SETDB1: variants seen among roughly 807,000 people sequenced by gnomAD.
SETDB1 encodes the protein histone-lysine N-methyltransferase SETDB1.
SETDB1 carries 31 observed loss-of-function variants against 137.4 expected under a neutral mutation model. The observed-to-expected ratio is 0.23, with a 90% CI of 0.17 to 0.30. The LOEUF (loss-of-function observed/expected upper bound fraction) is 0.30, where lower values mean the gene tolerates loss of function less well. Among genes scored for constraint, SETDB1 ranks in the 10% least tolerant of loss-of-function variants. The probability of loss-of-function intolerance (pLI) is 1.00; values close to 1 mark genes in which losing one functional copy is unlikely to be tolerated. For missense variants in SETDB1, 1,113 were observed against 1,631.5 expected, an observed-to-expected ratio of 0.68 and a Z score of 5.47; for synonymous variants, 548 against 579.9, an observed-to-expected ratio of 0.95 and a Z score of 0.79.
intron 14 of SETDB1, among the ~76,000 whole-genome samples, chr1:150,952,950 G>GA (rs1670534662): frequency 6.6e-6 from 1 of 152,162 alleles, no homozygotes; most frequent in Admixed American, 6.5e-5. Flanking sequence ...GAAATGTCAA[G>GA]AAGACACTGG....
Position 150,959,361 on chromosome 1 carries a change from T to C in SETDB1, c.2503+14T>C, listed in dbSNP as rs770555856. ...GTATTTATGCAGGTTGGTGATAAAATATAAGGGTTGTTTCCTGAGACTGGG... is the reference window on the plus strand; with the variant it reads ...GTATTTATGCAGGTTGGTGATAAAACATAAGGGTTGTTTCCTGAGACTGGG... On this transcript the variant is annotated intron_variant, in intron 15 of 21. Coordinates refer to ENST00000692827, the MANE Select transcript of SETDB1 (RefSeq NM_001366418.1). The C allele has an allele frequency of 1.3e-6, 2 of 1,595,888 alleles. No individual in the cohort carries two copies. Among genetic ancestry groups the C allele is most frequent in the South Asian group, 2.3e-5 (2 of 87,348 alleles).
Position 150,962,603 on chromosome 1 carries a change from C to A in SETDB1, c.3178C>A (p.Arg1060=). 6.2e-7 allele frequency: 1 copy of A among 1,614,094 alleles called. No homozygotes were observed. The highest frequency in any genetic ancestry group is 1.1e-5 in the South Asian group (1 of 91,076). ...NKMSVVTESS[R]NYGYNPSPVK... Reference sequence around the variant, plus strand: ...TCCCATTAGAGTTACTGAAAGCTCTCGAAATTACGGTTACAATCCTTCTCC... The same window carrying A: ...TCCCATTAGAGTTACTGAAAGCTCTAGAAATTACGGTTACAATCCTTCTCC... The change falls in exon 18 of 22, where the codon CGA becomes AGA. Residue 1060 remains arginine, a synonymous_variant. Transcript: ENST00000692827.
At position 150,944,941 on chromosome 1, in the gene SETDB1, G is replaced by C; in HGVS notation, c.973G>C (p.Glu325Gln). 1.2e-6 allele frequency: 2 copies of C among 1,614,108 alleles called. No homozygotes were observed. Among genetic ancestry groups the C allele is most frequent in the Non-Finnish European group, 1.7e-6 (2 of 1,180,002 alleles). The change falls in exon 9 of 22, where the codon GAA becomes CAA. Residue 325 changes from glutamate (E) to glutamine (Q), a missense_variant. This residue lies in a region of SETDB1 where 154 missense variants were observed against 303.1 expected (regional missense o/e 0.51). Coordinates refer to ENST00000692827, the MANE Select transcript of SETDB1 (RefSeq NM_001366418.1). Reference sequence around the variant, plus strand: ...AGTGAAAAAGACTTGGGAGGACATAGAAGACATCTCCTGCCGTGACTTCAT... The same window carrying C: ...AGTGAAAAAGACTTGGGAGGACATACAAGACATCTCCTGCCGTGACTTCAT... ...RPLKKTWEDI[E>Q]DISCRDFIEE...
intron 14 of SETDB1, among the ~76,000 whole-genome samples, chr1:150,958,226 CT>C (rs796507284): frequency 0.067 from 8,955 of 134,536 alleles, 1,148 homozygotes; most frequent in African/African-American, 0.24. Flanking sequence ...AAATTATGAC[CT>C]TTTTTTTTTT....
rs779702717 is a variant in SETDB1, at chr1:150,963,657, G to A, written c.3588G>A (p.Lys1196=). The A allele has an allele frequency of 2.0e-5, 32 of 1,614,038 alleles. No homozygotes were observed. The African/African-American group carries it at 4.0e-4, about 20-fold the overall frequency. The change falls in exon 20 of 22, where the codon AAG becomes AAA. Residue 1196 remains lysine (K), a synonymous_variant. Transcript: ENST00000692827. The part of the protein sequence containing the change: ...VDKGESAPVR[K]NTRQFYDGEE... ...AGGGGGAGAGCGCACCTGTTCGTAA[G>A]AACACACGCCAATTCTATGATGGCG...
At chr1:150,963,393 A>C (rs1327130677) in intron 19 of SETDB1, 137 bp from the exon 20 acceptor site, 8 of 862,210 alleles carry the variant, frequency 9.3e-6, no homozygotes, top group Non-Finnish European at 1.5e-5. Flanking sequence ...CCTGCTACTT[A>C]GGATCTTTGA....
chr1:150,944,130 T>C, intron 8 of SETDB1, 137 bp downstream of exon 8: 1 of 689,020 alleles, frequency 1.5e-6, no homozygotes, highest in Non-Finnish European at 2.6e-6. Flanking sequence ...TGTCTTTTGC[T>C]CCCAAAGGTC....
chr1:150,942,886 CA>C lies in SETDB1; in HGVS notation c.711del (p.Gly238GlufsTer44). On this transcript the variant is annotated frameshift_variant, in exon 7 of 22. Coordinates refer to ENST00000692827, the MANE Select transcript of SETDB1 (RefSeq NM_001366418.1). LOFTEE classifies it high-confidence loss of function. ...GKKYKVKFDNKGKSLLSGNHI... is the reference protein window; with the variant it reads ...GKKYKVKFDNXGKSLLSGNHI... ...AGAAATACAAGGTGAAATTTGACAA[CA>C]AAGGAAAGAGTCTACTGTCGGGGAA... 6.2e-7 allele frequency: 1 copy of C among 1,614,150 alleles called. No homozygotes were observed. Among genetic ancestry groups the C allele is most frequent in the Non-Finnish European group, 8.5e-7 (1 of 1,180,022 alleles).
rs1211886602 is a variant in SETDB1 at position 150,930,179 on chromosome 1, G to A, written c.412+61G>A. Reference sequence around the variant, plus strand: ...CTGAAGTTGAAACACTGGAAGATGAGCAAATAGAAGATAATAGAAGAGAGG... The same window carrying A: ...CTGAAGTTGAAACACTGGAAGATGAACAAATAGAAGATAATAGAAGAGAGG... On this transcript the variant is annotated intron_variant, in intron 3 of 21. Transcript: ENST00000692827. 6 of 1,380,256 alleles carry A rather than the reference G, an allele frequency of 4.3e-6. No individual in the cohort carries two copies. The East Asian group carries it at 6.9e-5, about 16-fold the overall frequency. 85.5% of individuals were successfully genotyped at this position (1,380,256 alleles called of 1,614,324 possible).
chr1:150,947,644 C>G (rs1051752072), intron 10 of SETDB1, among the ~76,000 whole-genome samples: 2 of 152,082 alleles, frequency 1.3e-5, no homozygotes, highest in African/African-American at 4.8e-5. Flanking sequence ...GGTACAGTGG[C>G]ATTAAGCTGT....
In SETDB1 at chr1:150,954,818, C is replaced by CA. The variant is rs587665743; in HGVS notation, c.2333+3338dup. ...ACATTTTTTTAGACATGCAGTACCT[C>CA]AGAGTTTTTCATCATTCCCCTTCTC... On this transcript the variant is annotated intron_variant, in intron 14 of 21. Coordinates refer to ENST00000692827, the MANE Select transcript of SETDB1 (RefSeq NM_001366418.1). Among the ~76,000 whole-genome samples the CA allele has an allele frequency of 4.6e-3, 699 of 152,246 alleles. 4 individuals carry two copies. Among genetic ancestry groups the CA allele is most frequent in the Non-Finnish European group, 7.4e-3 (501 of 68,010 alleles).
chr1:150,942,474 T>A (rs1422953241), intron 5 of SETDB1, 89 bp from the exon 6 acceptor site: 1 of 1,133,712 alleles, frequency 8.8e-7, no homozygotes, highest in Non-Finnish European at 1.3e-6. Context: ...TACCCCACTT[T>A]CCCTAATTAC....
chr1:150,942,469 C>A, intron 5 of SETDB1, 94 bp from the exon 6 acceptor site: 2 of 1,075,834 alleles, frequency 1.9e-6, no homozygotes, highest in Non-Finnish European at 2.7e-6. Context: ...AAAATTACCC[C>A]ACTTTCCCTA....
chr1:150,950,619 C>T lies in SETDB1; in HGVS notation c.1745C>T (p.Thr582Ile), dbSNP rs762928022. The T allele has an allele frequency of 3.1e-6, 5 of 1,614,144 alleles. No individual in the cohort carries two copies. Among genetic ancestry groups the T allele is most frequent in the Non-Finnish European group, 4.2e-6 (5 of 1,180,032 alleles). Reference sequence around the variant, plus strand: ...TACTTACCTCATGTCTGCAGCTATACCTGTCTGTCTCGAGTCAGACCTATG... The same window carrying T: ...TACTTACCTCATGTCTGCAGCTATATCTGTCTGTCTCGAGTCAGACCTATG... The part of the protein sequence containing the change: ...LFYLPHVCSY[T>I]CLSRVRPMRN... Residue 582 changes from threonine to isoleucine, a missense_variant, in exon 13 of 22, where the codon ACC becomes ATC. Coordinates refer to ENST00000692827, the MANE Select transcript of SETDB1 (RefSeq NM_001366418.1).
intron 1 of SETDB1, 104 bp downstream of exon 1, chr1:150,926,621 G>C: frequency 4.6e-6 from 2 of 436,752 alleles, no homozygotes; most frequent in Non-Finnish European, 9.1e-6. Flanking sequence ...CTTCCCCAGA[G>C]GCGAACGGGG....
rs1670797564 is a variant in SETDB1, at chr1:150,960,931, A to G, written c.2872A>G (p.Ile958Val). 6.4e-7 allele frequency: 1 copy of G among 1,574,388 alleles called. No individual in the cohort carries two copies. The highest frequency in any genetic ancestry group is 8.7e-7 in the Non-Finnish European group (1 of 1,147,700). Residue 958 changes from isoleucine (I) to valine (V), a missense_variant, in exon 16 of 22, where the codon ATT becomes GTT. Physicochemically the swap from Ile to Val is conservative, Grantham distance 29. Transcript: ENST00000692827. ...CCCCCCAGATCTTGGACCCCCACAT[A>G]TTCCTGTTCCTCCCTCAATCCCTGT... Reference protein sequence around the residue: ...SHPPDLGPPHIPVPPSIPVGG... With the variant: ...SHPPDLGPPHVPVPPSIPVGG...
chr1:150,932,953 A>C (rs1669808198), intron 3 of SETDB1, among the ~76,000 whole-genome samples: 1 of 151,886 alleles, frequency 6.6e-6, no homozygotes, highest in Non-Finnish European at 1.5e-5. Context: ...TTGATTTCTA[A>C]ATATTTGGGG....
rs770678916 is a variant in SETDB1 at position 150,960,901 on chromosome 1, T to C, written c.2842T>C (p.Ser948Pro). The C allele has an allele frequency of 1.3e-4, 209 of 1,612,656 alleles. 1 individual carries two copies. The highest frequency in any genetic ancestry group is 7.5e-5 in the Non-Finnish European group (88 of 1,179,280). The change falls in exon 16 of 22, where the codon TCC becomes CCC. Residue 948 changes from serine (S) to proline (P), a missense_variant. Physicochemically the swap from Ser to Pro is moderately conservative, Grantham distance 74. Around this residue, in one of 11 missense-constraint regions of SETDB1, gnomAD observed 373 missense variants for 412.7 expected, o/e 0.90. Transcript: ENST00000692827. Reference sequence around the variant, plus strand: ...ACTCTCTGAGACAACTTCCAAGGACTCCCACCCCCCAGATCTTGGACCCCC... The same window carrying C: ...ACTCTCTGAGACAACTTCCAAGGACCCCCACCCCCCAGATCTTGGACCCCC... ...NGLSETTSKD[S>P]HPPDLGPPHI...
At chr1:150,929,448 G>A (rs905366651) in intron 2 of SETDB1, among the ~76,000 whole-genome samples, 2 of 151,248 alleles carry the variant, frequency 1.3e-5, no homozygotes, top group Non-Finnish European at 2.9e-5. Context: ...ACGTGATCTC[G>A]GCTCACTGCA....
Sources: gnomAD v4.1 joint callset for allele counts (sites outside exome capture counted in the v4.1 genomes callset) on GRCh38, gnomAD v4.1.1 for gene constraint, gnomAD v4.1.1 regional missense constraint, MANE v1.5 for transcripts, NCBI Gene and HGNC (gene_info 2026-07-23, HGNC 2026-07-21) for gene names.